PDE4D: variants seen among roughly 807,000 people sequenced by gnomAD.
The protein encoded by PDE4D is 3',5'-cyclic-AMP phosphodiesterase 4D.
PDE4D carries 24 observed loss-of-function variants against 87.4 expected under a neutral mutation model. The ratio of observed to expected loss-of-function variants is 0.27; its 90% CI spans 0.20 to 0.39. PDE4D has a LOEUF of 0.39. Ranked by LOEUF, PDE4D falls within the 10% of genes least tolerant of loss-of-function variation. The probability of loss-of-function intolerance (pLI) is 1.00; values close to 1 mark genes in which losing one functional copy is unlikely to be tolerated. For synonymous variants in PDE4D, 384 were observed against 383.2 expected, an observed-to-expected ratio of 1.00 and a Z score of -0.02; for missense variants, 714 against 1,041.0, an observed-to-expected ratio of 0.69 and a Z score of 4.32.
chr5:59,664,182 A>G (rs758363717), intron 1 of PDE4D, among the ~76,000 whole-genome samples: 1 of 152,136 alleles, frequency 6.6e-6, no homozygotes, highest in Non-Finnish European at 1.5e-5. Flanking sequence ...AACTTCATAC[A>G]TGCTTTCCTA....
chr5:60,440,735 T>A (rs1745140533), intron 1 of PDE4D, among the ~76,000 whole-genome samples: 1 of 152,150 alleles, frequency 6.6e-6, no homozygotes, highest in Admixed American at 6.6e-5. Context: ...AGACTAATAA[T>A]AATAGCATAA....
chr5:60,201,713 T>C (rs926815329), intron 1 of PDE4D, among the ~76,000 whole-genome samples: 2 of 152,132 alleles, frequency 1.3e-5, no homozygotes, highest in Admixed American at 6.5e-5. Flanking sequence ...TTTTAAGACC[T>C]CATATAAATA....
At chr5:59,632,203 T>C (rs1305515045) in intron 1 of PDE4D, among the ~76,000 whole-genome samples, 1 of 152,180 alleles carries the variant, frequency 6.6e-6, no homozygotes, top group Non-Finnish European at 1.5e-5. Context: ...ATTCTTCCTG[T>C]CTGAGCAGGG....
intron 3 of PDE4D, among the ~76,000 whole-genome samples, chr5:59,899,947 T>G (rs925852086): frequency 6.6e-6 from 1 of 152,066 alleles, no homozygotes; most frequent in African/African-American, 2.4e-5. Context: ...CTTAACTAAA[T>G]TAAGACTATT....
intron 1 of PDE4D, among the ~76,000 whole-genome samples, chr5:59,825,812 C>G (rs1182723319): frequency 6.6e-6 from 1 of 152,208 alleles, no homozygotes; most frequent in Non-Finnish European, 1.5e-5. Context: ...AATTATTCCC[C>G]TCATCTTGGT....
intron 5 of PDE4D, among the ~76,000 whole-genome samples, chr5:59,123,845 G>T (rs1162191232): frequency 6.6e-6 from 1 of 152,136 alleles, no homozygotes; most frequent in Non-Finnish European, 1.5e-5. Context: ...AAAGACTGGG[G>T]TCCAAATCTT....
intron 1 of PDE4D, among the ~76,000 whole-genome samples, chr5:60,359,990 C>T (rs1759923562): frequency 6.6e-6 from 1 of 152,198 alleles, no homozygotes; most frequent in African/African-American, 2.4e-5. Flanking sequence ...AGCACTGTGC[C>T]AGTGCTAAGC....
chr5:58,985,785 C>A (rs562051286), intron 11 of PDE4D, among the ~76,000 whole-genome samples: 1 of 152,282 alleles, frequency 6.6e-6, no homozygotes, highest in East Asian at 1.9e-4. Context: ...AGGTTTACTG[C>A]AAACTAAAAA....
At chr5:59,991,243 G>A (rs543554107) in intron 2 of PDE4D, among the ~76,000 whole-genome samples, 2 of 152,068 alleles carry the variant, frequency 1.3e-5, no homozygotes, top group South Asian at 4.2e-4. Context: ...CAAAATCAGA[G>A]TACTTCATAA....
At chr5:60,407,076 C>A (rs1374286089) in intron 1 of PDE4D, among the ~76,000 whole-genome samples, 1 of 152,070 alleles carries the variant, frequency 6.6e-6, no homozygotes, top group African/African-American at 2.4e-5. Flanking sequence ...GGAGGCCAAG[C>A]AAGATGAGCT....
chr5:59,251,611 A>C (rs1702261666), intron 1 of PDE4D, among the ~76,000 whole-genome samples: 1 of 152,200 alleles, frequency 6.6e-6, no homozygotes, highest in Non-Finnish European at 1.5e-5. Context: ...TGTGGAAAGC[A>C]GTGTGGCAAT....
chr5:60,197,070 T>TAGACAGACAGAC (rs376124483), intron 1 of PDE4D, among the ~76,000 whole-genome samples: 2 of 122,920 alleles, frequency 1.6e-5, no homozygotes, highest in South Asian at 2.8e-4. Flanking sequence ...GATAGATAGA[T>TAGACAGACAGAC]AGACAGTTAG....
At chr5:60,238,740 G>C (rs1349319795) in intron 1 of PDE4D, among the ~76,000 whole-genome samples, 1 of 151,862 alleles carries the variant, frequency 6.6e-6, no homozygotes, top group African/African-American at 2.4e-5. Flanking sequence ...CATACAAAAT[G>C]CATATTAATT....
intron 1 of PDE4D, among the ~76,000 whole-genome samples, chr5:59,699,037 C>T (rs1177624131): frequency 6.6e-6 from 1 of 152,102 alleles, no homozygotes; most frequent in East Asian, 1.9e-4. Flanking sequence ...AGGCTTGAGT[C>T]GAACAGAAGA....
At position 59,532,485 on chromosome 5, in the gene PDE4D, C is replaced by G. The variant is rs113587202; in HGVS notation, c.456-316517G>C. Among the ~76,000 whole-genome samples the G allele has an allele frequency of 1.3e-3, 193 of 152,246 alleles. 1 individual carries two copies. Among genetic ancestry groups the G allele is most frequent in the African/African-American group, 4.5e-3 (185 of 41,538 alleles). On this transcript the variant is annotated intron_variant, in intron 1 of 14. Coordinates refer to ENST00000340635, the MANE Select transcript of PDE4D (RefSeq NM_001104631.2). ...AGTTAATCACTTGAATTAAATAAAC[C>G]TTAGTCCTCATTTGAAAAATGAGAC...
intron 1 of PDE4D, among the ~76,000 whole-genome samples, chr5:59,676,895 G>A (rs115171996): frequency 0.024 from 3,582 of 151,732 alleles, 106 homozygotes; most frequent in African/African-American, 0.071. Flanking sequence ...CTGTCATTTC[G>A]TATTCTTAAC....
At chr5:59,878,349 A>G (rs942632434) in intron 1 of PDE4D, among the ~76,000 whole-genome samples, 1 of 152,228 alleles carries the variant, frequency 6.6e-6, no homozygotes, top group Admixed American at 6.5e-5. Context: ...TGTTTGCCTT[A>G]CCCAATATTT....
chr5:59,522,155 G>GA (rs1189972378), intron 1 of PDE4D, among the ~76,000 whole-genome samples: 2 of 152,188 alleles, frequency 1.3e-5, no homozygotes, highest in East Asian at 3.9e-4. Flanking sequence ...GCTCCTTGGT[G>GA]AAAAAAACTA....
intron 1 of PDE4D, among the ~76,000 whole-genome samples, chr5:60,447,569 A>C (rs1745744026): frequency 6.6e-6 from 1 of 152,128 alleles, no homozygotes; most frequent in African/African-American, 2.4e-5. Context: ...GAAAACAAAT[A>C]CCCACACAAA....
Sources: gnomAD v4.1 joint callset for allele counts (sites outside exome capture counted in the v4.1 genomes callset) on GRCh38, gnomAD v4.1.1 for gene constraint, MANE v1.5 for transcripts, NCBI Gene and HGNC (gene_info 2026-07-23, HGNC 2026-07-21) for gene names.